Variants in ABCA5 observed in about 807,000 individuals in gnomAD.
The protein encoded by ABCA5 is ATP binding cassette subfamily A member 5.
A neutral mutation model predicts 206.0 loss-of-function variants in ABCA5; 163 were observed. The observed-to-expected ratio is 0.79, with a 90% CI of 0.70 to 0.90. The LOEUF is 0.90. ABCA5 is among the 40% of genes least tolerant of loss of function. The pLI is 0.00. For synonymous variants in ABCA5, 609 were observed against 613.8 expected (o/e 0.99, Z 0.11); for missense variants, 1,859 against 1,912.9 (o/e 0.97, Z 0.53).
chr17:69,252,465 G>T (rs2075026029), intron 34 of ABCA5, among the ~76,000 whole-genome samples: 2 of 152,036 alleles, frequency 1.3e-5, no homozygotes, highest in Admixed American at 1.3e-4. Context: ...ACCAAAACAG[G>T]CTTTGAATCA....
intron 17 of ABCA5, among the ~76,000 whole-genome samples, chr17:69,284,777 C>T (rs1045175705): frequency 2.6e-5 from 4 of 152,112 alleles, no homozygotes; most frequent in Admixed American, 6.6e-5. Flanking sequence ...CTGGAAAACA[C>T]TGTATAATCA....
intron 1 of ABCA5, among the ~76,000 whole-genome samples, chr17:69,323,444 CTG>C (rs2075879142): frequency 6.6e-6 from 1 of 152,186 alleles, no homozygotes; most frequent in African/African-American, 2.4e-5. Flanking sequence ...CTTCAGGAGT[CTG>C]TGTCCTCCTG....
chr17:69,275,155 T>C (rs1441186433), intron 19 of ABCA5, among the ~76,000 whole-genome samples: 1 of 152,162 alleles, frequency 6.6e-6, no homozygotes, highest in Non-Finnish European at 1.5e-5. Context: ...CATTTACTTT[T>C]CACGTAACAA....
intron 31 of ABCA5, 49 bp downstream of exon 31, chr17:69,255,494 T>G (rs2075064997): frequency 8.6e-7 from 1 of 1,161,714 alleles, no homozygotes; most frequent in Non-Finnish European, 1.1e-6. Context: ...TTATGTTAAT[T>G]AACAATATAA....
chr17:69,268,012 T>C lies in ABCA5; in HGVS notation c.3075A>G (p.Ala1025=), dbSNP rs2075229900. 2.5e-6 allele frequency: 4 copies of C among 1,610,746 alleles called. No individual in the cohort carries two copies. Among genetic ancestry groups the C allele is most frequent in the Non-Finnish European group, 3.4e-6 (4 of 1,177,724 alleles). The change falls in exon 23 of 39, where the codon GCA becomes GCG. Residue 1025 remains alanine (A), a synonymous_variant. Coordinates refer to ENST00000392676, the MANE Select transcript of ABCA5 (RefSeq NM_172232.4). The part of the protein sequence containing the change: ...IVFKIELYFQ[A]ALLGIIVTAM... Reference sequence around the variant, plus strand: ...CAGTAACAATGATTCCAAGCAAAGCTGCTTGAAAATACAGCTCAATTTTAA... The same window carrying C: ...CAGTAACAATGATTCCAAGCAAAGCCGCTTGAAAATACAGCTCAATTTTAA...
intron 23 of ABCA5, 59 bp downstream of exon 23, chr17:69,267,884 G>A: frequency 1.1e-6 from 1 of 915,636 alleles, no homozygotes; most frequent in Non-Finnish European, 1.7e-6. Flanking sequence ...CAAGCAAATA[G>A]GTTATTTTTA....
At position 69,268,120 on chromosome 17, in the gene ABCA5, TAGG is replaced by T; in HGVS notation, c.3031-67_3031-65del. 5 of 568,248 alleles carry T rather than the reference TAGG, an allele frequency of 8.8e-6. 1 individual carries two copies. The highest frequency in any genetic ancestry group is 8.1e-5 in the South Asian group (4 of 49,190). The allele number at this position is 568,248 out of a possible 1,614,324, so 35.2% of individuals were successfully genotyped here. ...TCATTTTATATCTTAAGATATATCTTAGGATATATCTTATATCAAAAAAAAATC... is the reference window on the plus strand; with the variant it reads ...TCATTTTATATCTTAAGATATATCTTATATATCTTATATCAAAAAAAAATC... On this transcript the variant is annotated intron_variant, in intron 22 of 38. Coordinates refer to ENST00000392676, the MANE Select transcript of ABCA5 (RefSeq NM_172232.4).
intron 20 of ABCA5, among the ~76,000 whole-genome samples, chr17:69,273,026 G>T (rs561238250): frequency 8.7e-4 from 132 of 152,224 alleles, no homozygotes; most frequent in African/African-American, 3.1e-3. Context: ...AATAAAGTTT[G>T]TATTAGCTTT....
intron 9 of ABCA5, among the ~76,000 whole-genome samples, chr17:69,298,391 C>A (rs1021467260): frequency 6.9e-5 from 10 of 145,022 alleles, no homozygotes; most frequent in African/African-American, 1.5e-4. Flanking sequence ...GCCCAGACAA[C>A]ATGTTCCATT....
At chr17:69,320,075 A>C (rs1411918827) in intron 1 of ABCA5, among the ~76,000 whole-genome samples, 1 of 152,238 alleles carries the variant, frequency 6.6e-6, no homozygotes, top group Non-Finnish European at 1.5e-5. Flanking sequence ...TTAATACATG[A>C]AAAGCTGAAA....
intron 23 of ABCA5, among the ~76,000 whole-genome samples, chr17:69,265,188 T>C (rs34609440): frequency 0.39 from 59,509 of 151,540 alleles, 12,501 homozygotes; most frequent in Middle Eastern, 0.51. Context: ...GCAAAAGGTG[T>C]CATGGCGGTT....
At chr17:69,254,174 T>A in intron 32 of ABCA5, 141 bp downstream of exon 32, 1 of 703,820 alleles carries the variant, frequency 1.4e-6, no homozygotes, top group Non-Finnish European at 2.2e-6. Context: ...TTTTCATATA[T>A]CATAAAGAAT....
At position 69,284,049 on chromosome 17, in the gene ABCA5, G is replaced by A; in HGVS notation, c.2296C>T (p.His766Tyr). The A allele has an allele frequency of 1.9e-6, 3 of 1,604,406 alleles. No homozygotes were observed. The highest frequency in any genetic ancestry group is 2.6e-6 in the Non-Finnish European group (3 of 1,175,956). The change falls in exon 18 of 39, where the codon CAT (histidine) becomes TAT (tyrosine). Residue 766 changes from histidine to tyrosine, a missense_variant. By Grantham distance (83) the His-to-Tyr change is moderately conservative (BLOSUM62 2). Coordinates refer to ENST00000392676, the MANE Select transcript of ABCA5 (RefSeq NM_172232.4). Reference protein sequence around the residue: ...FSGLFSALDSHSNLGVISYGV... With the variant: ...FSGLFSALDSYSNLGVISYGV... ...TAAGAAATGACACCCAAATTTGAAT[G>A]ACTGTCTAGGGCAGAAAACAAACCT...
chr17:69,260,269 T>G (rs1283958138), intron 27 of ABCA5, 69 bp downstream of exon 27: 1 of 1,188,642 alleles, frequency 8.4e-7, no homozygotes, highest in African/African-American at 1.6e-5. Context: ...AAACTAAACA[T>G]AGTTAAAACC....
At chr17:69,315,110 G>C (rs2075803519) in intron 1 of ABCA5, 1 of 152,140 alleles carries the variant, frequency 6.6e-6, no homozygotes, top group Non-Finnish European at 1.5e-5. Context: ...AGTAGAAGGG[G>C]GAACAAATAG....
chr17:69,274,347 T>C (rs981464812), intron 19 of ABCA5, among the ~76,000 whole-genome samples: 5 of 151,614 alleles, frequency 3.3e-5, no homozygotes, highest in African/African-American at 9.7e-5. Context: ...CCATCCCAAA[T>C]AGCTGAGACT....
intron 24 of ABCA5, among the ~76,000 whole-genome samples, chr17:69,264,422 G>GCATA (rs2075185045): frequency 6.6e-6 from 1 of 152,068 alleles, no homozygotes; most frequent in Admixed American, 6.6e-5. Flanking sequence ...TTATTTTCAG[G>GCATA]CATAAGAAAA....
chr17:69,303,042 T>A (rs2145013972), intron 7 of ABCA5, 136 bp from the exon 8 acceptor site: 2 of 483,532 alleles, frequency 4.1e-6, no homozygotes, highest in African/African-American at 2.0e-5. Context: ...AATTTCTAAA[T>A]GCTATGGTAT....
Position 69,277,761 on chromosome 17 carries a change from ATAAG to A in ABCA5, c.2470_2473del (p.Leu824PhefsTer9). ...TAGAGCAGCCTTGGTTTCAGAAAGAATAAGTAAGCTCTGTTCCATTTCATCAAAA... is the reference window on the plus strand; with the variant it reads ...TAGAGCAGCCTTGGTTTCAGAAAGAATAAGCTCTGTTCCATTTCATCAAAA... On this transcript the variant is annotated frameshift_variant, in exon 19 of 39. Coordinates refer to ENST00000392676, the MANE Select transcript of ABCA5 (RefSeq NM_172232.4). LOFTEE classifies it high-confidence loss of function. 6.2e-7 allele frequency: 1 copy of A among 1,608,014 alleles called. No individual in the cohort carries two copies. The highest frequency in any genetic ancestry group is 8.5e-7 in the Non-Finnish European group (1 of 1,178,094).
Sources: gnomAD v4.1 joint callset for allele counts (sites outside exome capture counted in the v4.1 genomes callset) on GRCh38, gnomAD v4.1.1 for gene constraint, MANE v1.5 for transcripts, NCBI Gene and HGNC (gene_info 2026-07-23, HGNC 2026-07-21) for gene names.